Variants in LINGO2 observed in about 807,000 individuals in gnomAD.
The protein encoded by LINGO2 is leucine rich repeat and Ig domain containing 2, also known as leucine-rich repeat and immunoglobulin-like domain-containing nogo receptor-interacting protein 2.
A neutral mutation model predicts 30.6 loss-of-function variants in LINGO2; 14 were observed. The ratio of observed to expected loss-of-function variants is 0.46; its 90% CI spans 0.30 to 0.72. The LOEUF is 0.72. Among genes scored for constraint, LINGO2 ranks in the 30% least tolerant of loss-of-function variants. The pLI, the probability that LINGO2 is intolerant of heterozygous loss-of-function variation, is 0.07. For missense variants in LINGO2, 729 were observed against 751.7 expected, an observed-to-expected ratio of 0.97 and a Z score of 0.35; for synonymous variants, 317 against 288.5, an observed-to-expected ratio of 1.10 and a Z score of -1.00.
chr9:29,017,699 G>C, the LINGO2 span, among the ~76,000 whole-genome samples: 3 of 152,050 alleles, frequency 2.0e-5, no homozygotes, highest in African/African-American at 7.2e-5. Flanking sequence ...GGATCAGTGA[G>C]GAAGTCAGGA....
At chr9:28,597,240 A>G (rs1232530460) in intron 1 of LINGO2, among the ~76,000 whole-genome samples, 1 of 152,164 alleles carries the variant, frequency 6.6e-6, no homozygotes, top group Non-Finnish European at 1.5e-5. Flanking sequence ...TAATAGAGAA[A>G]AAGGCTGAAA....
intron 4 of LINGO2, among the ~76,000 whole-genome samples, chr9:28,108,006 A>G (rs1826648941): frequency 1.3e-5 from 2 of 152,150 alleles, no homozygotes; most frequent in Admixed American, 1.3e-4. Flanking sequence ...AGGAACACAG[A>G]TATGAAAATA....
intron 1 of LINGO2, among the ~76,000 whole-genome samples, chr9:28,577,394 C>T (rs114079479): frequency 9.2e-5 from 14 of 152,102 alleles, no homozygotes; most frequent in Admixed American, 3.9e-4. Context: ...GTGGCCCTCA[C>T]GTGTAAGTGG....
chr9:28,928,645 T>G, the LINGO2 span, among the ~76,000 whole-genome samples: 19 of 152,298 alleles, frequency 1.2e-4, no homozygotes, highest in East Asian at 3.1e-3. Context: ...GGCCAGGACA[T>G]GAAAAACACA....
chr9:28,520,967 C>T (rs1388070623), intron 1 of LINGO2, among the ~76,000 whole-genome samples: 1 of 152,088 alleles, frequency 6.6e-6, no homozygotes, highest in Non-Finnish European at 1.5e-5. Flanking sequence ...CTTTTTGGAT[C>T]CTCAGCTTCT....
In LINGO2 at chr9:28,579,389, G is replaced by T. The variant is rs1173913909; in HGVS notation, c.-365+90811C>A. Among the ~76,000 whole-genome samples, 5 of 151,898 alleles carry T rather than the reference G, an allele frequency of 3.3e-5. No homozygotes were observed. In the East Asian group the frequency reaches 7.7e-4, roughly 23 times the overall value. Reference sequence around the variant, plus strand: ...TTATTAGTATTAAGGAAACCGTATTGGTCATTCATCACTGACAAAACAATA... The same window carrying T: ...TTATTAGTATTAAGGAAACCGTATTTGTCATTCATCACTGACAAAACAATA... On this transcript the variant is annotated intron_variant, in intron 1 of 5. Coordinates refer to ENST00000379992, the Ensembl canonical transcript of LINGO2.
chr9:27,950,730 G>A (rs770659446), intron 5 of LINGO2, 24 bp from the exon 7 acceptor site: 31 of 1,363,610 alleles, frequency 2.3e-5, no homozygotes, highest in Non-Finnish European at 3.0e-5. Flanking sequence ...ACACAAGAAG[G>A]GAGGAAGAGA....
At chr9:28,518,438 C>T (rs1430681786) in intron 1 of LINGO2, among the ~76,000 whole-genome samples, 2 of 152,146 alleles carry the variant, frequency 1.3e-5, no homozygotes, top group African/African-American at 4.8e-5. Flanking sequence ...TGAAGTATGT[C>T]ATTTCAACAT....
intron 4 of LINGO2, among the ~76,000 whole-genome samples, chr9:28,088,223 C>G (rs1324301149): frequency 2.0e-5 from 3 of 151,536 alleles, no homozygotes; most frequent in African/African-American, 7.3e-5. Flanking sequence ...CACACACACA[C>G]ACACACACAC....
At chr9:29,091,760 G>T in the LINGO2 span, among the ~76,000 whole-genome samples, 4 of 152,060 alleles carry the variant, frequency 2.6e-5, no homozygotes, top group Admixed American at 2.0e-4. Flanking sequence ...ATTCTACATT[G>T]GATTCATTCA....
At chr9:27,980,175 G>C (rs577033786) in intron 5 of LINGO2, among the ~76,000 whole-genome samples, 1 of 151,926 alleles carries the variant, frequency 6.6e-6, no homozygotes, top group African/African-American at 2.4e-5. Flanking sequence ...GCAAAATAAT[G>C]TATAGTAATG....
chr9:27,984,383 T>C (rs1821027571), intron 5 of LINGO2, among the ~76,000 whole-genome samples: 1 of 151,902 alleles, frequency 6.6e-6, no homozygotes, highest in African/African-American at 2.4e-5. Context: ...GTAGCTCAAC[T>C]GGTTGAAATC....
At position 28,148,690 on chromosome 9, in the gene LINGO2, C is replaced by A; in HGVS notation, c.-86-136285G>T. ...TGCCTGCAGTGAGTTTCTACTCCAA[C>A]GGCCATGGAGTCGCCAGTTCACACA... On this transcript the variant is annotated intron_variant, in intron 4 of 5. Coordinates refer to ENST00000379992, the Ensembl canonical transcript of LINGO2. This position sits in a 1 kb window ranked among gnomAD's most constrained non-coding sequence, Gnocchi z 5.1. 1 of 1,533,318 alleles carries A rather than the reference C, an allele frequency of 6.5e-7. No homozygotes were observed. Among genetic ancestry groups the A allele is most frequent in the Admixed American group, 2.0e-5 (1 of 51,004 alleles). 95.0% of individuals were successfully genotyped at this position (1,533,318 alleles called of 1,614,324 possible).
downstream of LINGO2, chr9:27,943,923 G>A (rs1004602951): frequency 2.0e-5 from 3 of 152,200 alleles, no homozygotes; most frequent in Non-Finnish European, 4.4e-5. Flanking sequence ...GGAGGGAGAA[G>A]AGGTATTAAA....
At chr9:28,894,778 T>G in the LINGO2 span, among the ~76,000 whole-genome samples, 1 of 152,072 alleles carries the variant, frequency 6.6e-6, no homozygotes, top group African/African-American at 2.4e-5. Context: ...ATATGTTGCT[T>G]TGAAATACGA....
chr9:28,035,471 C>A (rs901898322), intron 4 of LINGO2, among the ~76,000 whole-genome samples: 2 of 152,082 alleles, frequency 1.3e-5, no homozygotes, highest in African/African-American at 2.4e-5. Flanking sequence ...TGGTATGCTA[C>A]AGTATATAAT....
At chr9:28,700,147 G>A in the LINGO2 span, among the ~76,000 whole-genome samples, 4 of 151,988 alleles carry the variant, frequency 2.6e-5, no homozygotes, top group East Asian at 1.9e-4. Flanking sequence ...CTACCTATAA[G>A]TGATGTCACC....
the LINGO2 span, among the ~76,000 whole-genome samples, chr9:28,917,442 T>C: frequency 6.6e-6 from 1 of 151,564 alleles, no homozygotes; most frequent in Non-Finnish European, 1.5e-5. Context: ...TTAGAATAGG[T>C]TTTTTTGGGT....
chr9:29,045,539 G>C, the LINGO2 span, among the ~76,000 whole-genome samples: 1 of 151,170 alleles, frequency 6.6e-6, no homozygotes. Context: ...CATTTCAATA[G>C]ATGCTGAAAA....
Sources: gnomAD v4.1 joint callset for allele counts (sites outside exome capture counted in the v4.1 genomes callset) on GRCh38, gnomAD v4.1.1 for gene constraint, Gnocchi (gnomAD v3.1) non-coding constraint, MANE v1.5 for transcripts, NCBI Gene and HGNC (gene_info 2026-07-23, HGNC 2026-07-21) for gene names.